GXYLT1: variants seen among roughly 807,000 people sequenced by gnomAD.
GXYLT1 encodes the protein glucoside xylosyltransferase 1, also known as glycosyltransferase 8 domain containing 3.
GXYLT1 carries 29 observed loss-of-function variants against 54.0 expected under a neutral mutation model. The ratio of observed to expected loss-of-function variants is 0.54; its 90% CI spans 0.40 to 0.73. The LOEUF (loss-of-function observed/expected upper bound fraction) is 0.73, where lower values mean the gene tolerates loss of function less well. Ranked by LOEUF, GXYLT1 falls within the 30% of genes least tolerant of loss-of-function variation. The probability of loss-of-function intolerance (pLI) is 0.00; values close to 1 mark genes in which losing one functional copy is unlikely to be tolerated. For synonymous variants in GXYLT1, 176 were observed against 204.1 expected, an observed-to-expected ratio of 0.86 and a Z score of 1.17; for missense variants, 490 against 553.4, an observed-to-expected ratio of 0.89 and a Z score of 1.15.
At chr12:42,140,497 A>G (rs2065645930) in intron 1 of GXYLT1, among the ~76,000 whole-genome samples, 1 of 152,196 alleles carries the variant, frequency 6.6e-6, no homozygotes, top group African/African-American at 2.4e-5. Flanking sequence ...CAGCTATTTA[A>G]TATTTAATTT....
intron 2 of GXYLT1, among the ~76,000 whole-genome samples, chr12:42,120,699 T>C (rs1260752580): frequency 6.6e-6 from 1 of 152,028 alleles, no homozygotes; most frequent in African/African-American, 2.4e-5. Flanking sequence ...GTCCAACTAA[T>C]CTTTTTTTTT....
At chr12:42,109,820 G>A (rs960561506) in intron 3 of GXYLT1, 129 bp from the exon 4 acceptor site, 2 of 561,888 alleles carry the variant, frequency 3.6e-6, no homozygotes, top group African/African-American at 4.0e-5. Context: ...TAAAATTAAA[G>A]GAAAGATTCT....
chr12:42,121,304 TAC>T (rs1304257383), intron 2 of GXYLT1, among the ~76,000 whole-genome samples: 1 of 152,196 alleles, frequency 6.6e-6, no homozygotes, highest in East Asian at 1.9e-4. Context: ...ATCAGCTATA[TAC>T]ACAGACAAGA....
chr12:42,122,411 G>A (rs1178466052), intron 2 of GXYLT1, among the ~76,000 whole-genome samples: 4 of 151,936 alleles, frequency 2.6e-5, no homozygotes, highest in Admixed American at 1.3e-4. Context: ...CCAACATGGC[G>A]AAACCCCGTC....
chr12:42,111,832 T>G (rs1437177202), intron 3 of GXYLT1, among the ~76,000 whole-genome samples: 1 of 152,148 alleles, frequency 6.6e-6, no homozygotes, highest in Non-Finnish European at 1.5e-5. Flanking sequence ...ACGGGCAGAC[T>G]GCCTCCTCAA....
At chr12:42,128,274 TA>T (rs964923917) in intron 2 of GXYLT1, among the ~76,000 whole-genome samples, 3 of 152,128 alleles carry the variant, frequency 2.0e-5, no homozygotes, top group Non-Finnish European at 2.9e-5. Context: ...AAAAAAAAGA[TA>T]AATATGTAAG....
chr12:42,120,845 CT>C (rs1478572114), intron 2 of GXYLT1, among the ~76,000 whole-genome samples: 1 of 150,676 alleles, frequency 6.6e-6, no homozygotes, highest in Non-Finnish European at 1.5e-5. Context: ...CAGTTTGGGT[CT>C]TTTTAAAGCT....
At chr12:42,126,880 G>GAA (rs201058501) in intron 2 of GXYLT1, among the ~76,000 whole-genome samples, 17 of 50,386 alleles carry the variant, frequency 3.4e-4, no homozygotes, top group Non-Finnish European at 4.5e-4. Flanking sequence ...CCTGTCTCAA[G>GAA]AAAAAAAAAA....
Position 42,097,467 on chromosome 12 carries a change from C to G in GXYLT1, c.1136G>C (p.Arg379Thr). The G allele has an allele frequency of 6.3e-7, 1 of 1,595,374 alleles. No homozygotes were observed. Among genetic ancestry groups the G allele is most frequent in the Non-Finnish European group, 8.5e-7 (1 of 1,175,976 alleles). Residue 379 changes from arginine to threonine, a missense_variant, in exon 7 of 8, where the codon AGA (arginine) becomes ACA (threonine). By Grantham distance (71) the Arg-to-Thr change is moderately conservative. Coordinates refer to ENST00000398675, the MANE Select transcript of GXYLT1 (RefSeq NM_173601.2). ...VYHDDKQPAF[R>T]AVYEALRNCS... ...ATTTCTCAGTGCTTCATAAACAGCTCTAAATGCTGGTTGCTTATCGTCATG... is the reference window on the plus strand; with the variant it reads ...ATTTCTCAGTGCTTCATAAACAGCTGTAAATGCTGGTTGCTTATCGTCATG...
At chr12:42,113,079 G>A (rs1255145680) in intron 3 of GXYLT1, among the ~76,000 whole-genome samples, 1 of 151,070 alleles carries the variant, frequency 6.6e-6, no homozygotes, top group Non-Finnish European at 1.5e-5. Context: ...ACAAGCAAAT[G>A]CTGAGAGATT....
At chr12:42,134,674 C>T (rs1341178901) in intron 1 of GXYLT1, among the ~76,000 whole-genome samples, 2 of 152,126 alleles carry the variant, frequency 1.3e-5, no homozygotes, top group Non-Finnish European at 2.9e-5. Flanking sequence ...TGCAAACTTC[C>T]ACCTTCTTCT....
At chr12:42,117,511 C>T (rs1381558111) in intron 3 of GXYLT1, among the ~76,000 whole-genome samples, 1 of 151,708 alleles carries the variant, frequency 6.6e-6, no homozygotes, top group Non-Finnish European at 1.5e-5. Context: ...ACTTGACATG[C>T]AAAATGAACT....
rs769664096 is a variant in GXYLT1, at chr12:42,109,704, A to T, written c.487-13T>A. ...ACCAGTTGTCAAGCTAAAACAATTT[A>T]AAAAAAAACTGTTTAGTTTCACTCT... On this transcript the variant is annotated splice_polypyrimidine_tract_variant and intron_variant, in intron 3 of 7. Transcript: ENST00000398675. 3 of 1,444,116 alleles carry T rather than the reference A, an allele frequency of 2.1e-6. No homozygotes were observed. The highest frequency in any genetic ancestry group is 2.6e-5 in the South Asian group (2 of 78,404). 89.5% of individuals were successfully genotyped at this position (1,444,116 alleles called of 1,614,324 possible).
chr12:42,110,856 A>G (rs2065449306), intron 3 of GXYLT1, among the ~76,000 whole-genome samples: 1 of 152,234 alleles, frequency 6.6e-6, no homozygotes, highest in East Asian at 1.9e-4. Context: ...TTCATGTACT[A>G]AAAGCATGTT....
chr12:42,118,721 G>A (rs1467636136), intron 3 of GXYLT1, among the ~76,000 whole-genome samples: 1 of 152,114 alleles, frequency 6.6e-6, no homozygotes, highest in East Asian at 1.9e-4. Context: ...TTCTCATGAG[G>A]TCTCATGGTT....
At chr12:42,144,224 C>T (rs1005446633) in intron 1 of GXYLT1, among the ~76,000 whole-genome samples, 25 of 152,230 alleles carry the variant, frequency 1.6e-4, no homozygotes, top group African/African-American at 5.8e-4. Flanking sequence ...AAGATAAACA[C>T]AGAAAGTGTA....
At chr12:42,142,882 A>T (rs67788023) in intron 1 of GXYLT1, among the ~76,000 whole-genome samples, 21,684 of 152,152 alleles carry the variant, frequency 0.14, 1,679 homozygotes, top group Non-Finnish European at 0.18. Context: ...TATAGTTCTA[A>T]CTTAGATGTA....
chr12:42,110,783 C>A (rs990222754), intron 3 of GXYLT1, among the ~76,000 whole-genome samples: 2 of 152,232 alleles, frequency 1.3e-5, no homozygotes, highest in African/African-American at 4.8e-5. Flanking sequence ...ACTTAAAGAT[C>A]TTTTCAATAC....
At chr12:42,111,296 G>A (rs1408113948) in intron 3 of GXYLT1, among the ~76,000 whole-genome samples, 1 of 152,244 alleles carries the variant, frequency 6.6e-6, no homozygotes, top group Non-Finnish European at 1.5e-5. Flanking sequence ...GACAGTGGCT[G>A]CAGCGCACCG....
Sources: allele counts gnomAD v4.1 joint callset (sites outside exome capture counted in the v4.1 genomes callset), GRCh38; gene constraint gnomAD v4.1.1; transcripts MANE v1.5; gene names NCBI Gene and HGNC (gene_info 2026-07-23, HGNC 2026-07-21).